Variants in R3HDM1 observed in about 807,000 individuals in gnomAD.
R3HDM1 encodes R3H domain-containing protein 1.
A neutral mutation model predicts 141.1 loss-of-function variants in R3HDM1; 46 were observed. That is an observed-to-expected ratio of 0.33 (90% CI 0.26 to 0.42). The LOEUF is 0.42. Among genes scored for constraint, R3HDM1 ranks in the 10% least tolerant of loss-of-function variants. R3HDM1 has a pLI of 1.00. For missense variants in R3HDM1, 1,184 were observed against 1,368.3 expected (o/e 0.87, Z 2.12); for synonymous variants, 435 against 472.9 (o/e 0.92, Z 1.04).
At chr2:135,608,781 T>C (rs940938870) in intron 3 of R3HDM1, among the ~76,000 whole-genome samples, 1 of 152,222 alleles carries the variant, frequency 6.6e-6, no homozygotes, top group Non-Finnish European at 1.5e-5. Context: ...ATTGAGATTT[T>C]TGGATAAACT....
At chr2:135,685,125 C>G (rs972486564) in intron 21 of R3HDM1, among the ~76,000 whole-genome samples, 1 of 152,040 alleles carries the variant, frequency 6.6e-6, no homozygotes, top group African/African-American at 2.4e-5. Context: ...ATAAAACATC[C>G]TGTTTTGTTT....
intron 16 of R3HDM1, among the ~76,000 whole-genome samples, chr2:135,647,121 A>G (rs992783062): frequency 6.6e-6 from 1 of 152,212 alleles, no homozygotes. Flanking sequence ...TTCTAAGACC[A>G]TAGAAATCAG....
intron 1 of R3HDM1, among the ~76,000 whole-genome samples, chr2:135,596,659 T>C (rs2059220027): frequency 6.6e-6 from 1 of 152,226 alleles, no homozygotes; most frequent in Non-Finnish European, 1.5e-5. Context: ...TTCTGCTTTT[T>C]GACTAAACAT....
chr2:135,665,283 A>G lies in R3HDM1; in HGVS notation c.2152+3890A>G, dbSNP rs185126922. On this transcript the variant is annotated intron_variant, in intron 19 of 26. Transcript: ENST00000683871. ...AGGTAGTAATTATAGTGAAGATTTT[A>G]GGTTTACAAAGCCCTAGCTGTTTTC... 1,051 of 382,488 alleles carry G rather than the reference A, an allele frequency of 2.7e-3. 2 individuals are homozygous for G. The highest frequency in any genetic ancestry group is 3.7e-3 in the Non-Finnish European group (666 of 180,904). 23.7% of individuals were successfully genotyped at this position (382,488 alleles called of 1,614,324 possible). A position where few individuals can be genotyped will look rare whatever the true frequency, so the allele number is the denominator to read the frequency against.
At chr2:135,714,764 TACACACACACAC>T (rs144894901) in intron 23 of R3HDM1, among the ~76,000 whole-genome samples, 1 of 146,768 alleles carries the variant, frequency 6.8e-6, no homozygotes, top group Non-Finnish European at 1.5e-5. Context: ...TATGGGTGTA[TACACACACACAC>T]ACACACACAC....
At chr2:135,716,179 A>G (rs933994337) in intron 24 of R3HDM1, among the ~76,000 whole-genome samples, 1 of 152,226 alleles carries the variant, frequency 6.6e-6, no homozygotes, top group Non-Finnish European at 1.5e-5. Context: ...ACATGACTGT[A>G]GTCACAGCTA....
intron 21 of R3HDM1, among the ~76,000 whole-genome samples, chr2:135,691,763 A>T (rs2105381224): frequency 6.6e-6 from 1 of 152,270 alleles, no homozygotes. Flanking sequence ...ACTGCACTCC[A>T]GCCTGGGCAA....
chr2:135,616,434 A>G (rs780444625), intron 4 of R3HDM1, among the ~76,000 whole-genome samples: 5 of 152,156 alleles, frequency 3.3e-5, no homozygotes, highest in Non-Finnish European at 7.4e-5. Flanking sequence ...TGGGGATATG[A>G]AGTTGGAATT....
chr2:135,655,202 C>T lies in R3HDM1; in HGVS notation c.2028+3170C>T, dbSNP rs570630667. On this transcript the variant is annotated intron_variant, in intron 18 of 26. Transcript: ENST00000683871. Reference sequence around the variant, plus strand: ...TTTTGAGTTAATTTTTGAATATTGGCGTGAGGCAAGAGTTCATCTTCATTC... The same window carrying T: ...TTTTGAGTTAATTTTTGAATATTGGTGTGAGGCAAGAGTTCATCTTCATTC... Among the ~76,000 whole-genome samples, 25 of 152,118 alleles carry T rather than the reference C, an allele frequency of 1.6e-4. 1 individual carries two copies. In the East Asian group the frequency reaches 4.1e-3, roughly 25 times the overall value.
Position 135,718,201 on chromosome 2 carries a change from G to A in R3HDM1, c.2881+2507G>A, listed in dbSNP as rs546341338. Among the ~76,000 whole-genome samples the A allele has an allele frequency of 2.0e-4, 30 of 152,324 alleles. No individual in the cohort carries two copies. In the East Asian group the frequency reaches 3.1e-3, roughly 16 times the overall value. Reference sequence around the variant, plus strand: ...TGGGGTGTGGAACTGACTGGGAAGGGACTGGAGGGAACTCTTCCAGGGATG... The same window carrying A: ...TGGGGTGTGGAACTGACTGGGAAGGAACTGGAGGGAACTCTTCCAGGGATG... On this transcript the variant is annotated intron_variant, in intron 24 of 26. Coordinates refer to ENST00000683871, the MANE Select transcript of R3HDM1 (RefSeq NM_001378107.1).
chr2:135,714,712 T>G (rs2075985512), intron 23 of R3HDM1, among the ~76,000 whole-genome samples: 1 of 152,070 alleles, frequency 6.6e-6, no homozygotes, highest in South Asian at 2.1e-4. Context: ...TGAAATTCAC[T>G]TTCAAACAGT....
intron 1 of R3HDM1, among the ~76,000 whole-genome samples, chr2:135,581,560 A>T (rs1706812245): frequency 6.6e-6 from 1 of 152,148 alleles, no homozygotes; most frequent in Non-Finnish European, 1.5e-5. Flanking sequence ...GAAGAGGATG[A>T]TTTAGGATTG....
Position 135,722,601 on chromosome 2 carries a change from GTC to G in R3HDM1, c.3049+50_3049+51del, listed in dbSNP as rs753889227. ...GATGTGGGTCTGCAAACTGGTGACA[GTC>G]TAAAAATACACCACAGCACAGAAAT... is the stretch of plus-strand genomic sequence containing the variant. On this transcript the variant is annotated intron_variant, in intron 26 of 26. Coordinates refer to ENST00000683871, the MANE Select transcript of R3HDM1 (RefSeq NM_001378107.1). The G allele has an allele frequency of 1.9e-6, 3 of 1,541,856 alleles. No individual in the cohort carries two copies. In the East Asian group the frequency reaches 6.8e-5, roughly 35 times the overall value.
chr2:135,592,676 G>C (rs567475712), intron 1 of R3HDM1, among the ~76,000 whole-genome samples: 1 of 150,884 alleles, frequency 6.6e-6, no homozygotes, highest in Non-Finnish European at 1.5e-5. Context: ...GTTCTTTGCT[G>C]TTTATTTCTC....
At chr2:135,650,149 A>C in intron 17 of R3HDM1, 146 bp downstream of exon 17, 3 of 983,290 alleles carry the variant, frequency 3.1e-6, no homozygotes, top group Non-Finnish European at 3.7e-6. Context: ...TTTCTAATTC[A>C]TACTAGAAAT....
chr2:135,708,976 A>C (rs904454262), intron 21 of R3HDM1, among the ~76,000 whole-genome samples: 14 of 151,986 alleles, frequency 9.2e-5, no homozygotes, highest in Admixed American at 3.9e-4. Context: ...AAAAAAAAAA[A>C]AACTAACTGT....
chr2:135,560,795 G>T (rs1573810106), intron 1 of R3HDM1, among the ~76,000 whole-genome samples: 1 of 152,314 alleles, frequency 6.6e-6, no homozygotes, highest in South Asian at 2.1e-4. Context: ...GGTACCAGGT[G>T]ACTCATTCTG....
intron 1 of R3HDM1, among the ~76,000 whole-genome samples, chr2:135,589,881 A>G (rs1708848945): frequency 6.6e-6 from 1 of 152,092 alleles, no homozygotes; most frequent in Non-Finnish European, 1.5e-5. Context: ...CATCTTATAA[A>G]TATGCATGTC....
intron 24 of R3HDM1, among the ~76,000 whole-genome samples, chr2:135,717,222 G>A (rs866794104): frequency 2.6e-5 from 4 of 151,992 alleles, no homozygotes; most frequent in Non-Finnish European, 5.9e-5. Flanking sequence ...GGTGGCTCAC[G>A]CCTGTAATCT....
Sources: gnomAD v4.1 joint callset for allele counts (sites outside exome capture counted in the v4.1 genomes callset) on GRCh38, gnomAD v4.1.1 for gene constraint, MANE v1.5 for transcripts, NCBI Gene and HGNC (gene_info 2026-07-23, HGNC 2026-07-21) for gene names.